The following MERTK variants were observed in gnomAD, a reference collection of about 807,000 sequenced individuals.
The protein encoded by MERTK is MER proto-oncogene, tyrosine kinase, also known as tyrosine-protein kinase Mer.
MERTK carries 69 observed loss-of-function variants against 99.3 expected under a neutral mutation model. The ratio of observed to expected loss-of-function variants is 0.70; its 90% CI spans 0.57 to 0.85. MERTK has a LOEUF of 0.85. Ranked by LOEUF, MERTK falls within the 40% of genes least tolerant of loss-of-function variation. The pLI, the probability that MERTK is intolerant of heterozygous loss-of-function variation, is 0.00. For missense variants in MERTK, 1,125 were observed against 1,249.4 expected (o/e 0.90, Z 1.50); for synonymous variants, 426 against 467.6 (o/e 0.91, Z 1.15).
At chr2:111,935,059 T>A (rs898245244) in intron 2 of MERTK, among the ~76,000 whole-genome samples, 2 of 152,146 alleles carry the variant, frequency 1.3e-5, no homozygotes, top group African/African-American at 2.4e-5. Context: ...AGGACTGTGA[T>A]AAAGTCATTT....
chr2:111,969,689 C>CTT (rs35055243), intron 6 of MERTK, among the ~76,000 whole-genome samples: 8 of 119,162 alleles, frequency 6.7e-5, no homozygotes, highest in African/African-American at 1.0e-4. Context: ...TCCAGCCTTT[C>CTT]TTTTTTTTTT....
At position 111,974,710 on chromosome 2, in the gene MERTK, A is replaced by C. The variant is rs563496578; in HGVS notation, c.961-579A>C. On this transcript the variant is annotated intron_variant, in intron 6 of 18. Transcript: ENST00000295408. ...CTTGAATCCGGGAGGCGGAGGTTGC[A>C]GTGAGTTGAGATAACACCACTGCAC... 2.3e-5 allele frequency among the ~76,000 whole-genome samples: 3 copies of C among 131,866 alleles called. No individual in the cohort carries two copies. In the East Asian group the frequency reaches 7.7e-4, roughly 34 times the overall value. The allele number at this position is 131,866 out of a possible 152,430, so 86.5% of individuals were successfully genotyped here. A position where few individuals can be genotyped will look rare whatever the true frequency, so the allele number is the denominator to read the frequency against.
In MERTK at chr2:111,937,978, G is replaced by A. The variant is rs115641044; in HGVS notation, c.483-6982G>A. ...CCCATTTTGAGTATACAATTCAGTGGCATTCACGTTTTTGTGCAACCATCA... is the reference window on the plus strand; with the variant it reads ...CCCATTTTGAGTATACAATTCAGTGACATTCACGTTTTTGTGCAACCATCA... On this transcript the variant is annotated intron_variant, in intron 2 of 18. Coordinates refer to ENST00000295408, the MANE Select transcript of MERTK (RefSeq NM_006343.3). 3.1e-3 allele frequency among the ~76,000 whole-genome samples: 474 copies of A among 152,120 alleles called. 3 individuals are homozygous for A. The highest frequency in any genetic ancestry group is 0.011 in the African/African-American group (450 of 41,488).
chr2:111,925,729 A>G (rs1249136693), intron 1 of MERTK, among the ~76,000 whole-genome samples: 1 of 152,160 alleles, frequency 6.6e-6, no homozygotes, highest in Non-Finnish European at 1.5e-5. Context: ...TGTTTGGTGA[A>G]CAGCTTGGCT....
chr2:111,979,065 C>T (rs10199083), intron 7 of MERTK, among the ~76,000 whole-genome samples: 94,003 of 151,972 alleles, frequency 0.62, 29,456 homozygotes, highest in Middle Eastern at 0.7. Flanking sequence ...TTACCTTTAA[C>T]TGTTTCGTGT....
chr2:112,020,111 T>A (rs944831749), intron 16 of MERTK, among the ~76,000 whole-genome samples: 1 of 152,204 alleles, frequency 6.6e-6, no homozygotes, highest in Non-Finnish European at 1.5e-5. Context: ...GAGGGAGTGG[T>A]CCTTCAATGT....
chr2:111,962,503 A>AC (rs1685269239), intron 4 of MERTK, among the ~76,000 whole-genome samples: 1 of 152,004 alleles, frequency 6.6e-6, no homozygotes, highest in African/African-American at 2.4e-5. Context: ...CTCGACCTCA[A>AC]GAAAAAAAAA....
intron 2 of MERTK, among the ~76,000 whole-genome samples, chr2:111,942,509 G>A (rs1336468137): frequency 6.6e-6 from 1 of 152,142 alleles, no homozygotes; most frequent in East Asian, 1.9e-4. Context: ...CCAGGAGAGG[G>A]TCAGCCAGCT....
intron 3 of MERTK, 68 bp from the exon 4 acceptor site, chr2:111,947,326 A>G: frequency 1.3e-6 from 2 of 1,511,266 alleles, no homozygotes; most frequent in Non-Finnish European, 1.8e-6. Flanking sequence ...TCCAGTTTCC[A>G]TTCCCCTTTG....
chr2:111,960,480 C>CAAAAAA (rs61179378), intron 4 of MERTK, among the ~76,000 whole-genome samples: 45 of 75,754 alleles, frequency 5.9e-4, no homozygotes, highest in African/African-American at 7.3e-4. Context: ...GTCTCAGTCT[C>CAAAAAA]AAAAAAAAAA....
chr2:112,013,559 G>A (rs1394006269), intron 15 of MERTK: 1 of 154,332 alleles, frequency 6.5e-6, no homozygotes, highest in Non-Finnish European at 1.5e-5. Flanking sequence ...CCTGTATTTT[G>A]TATGTATTAA....
Position 111,918,683 on chromosome 2 carries a change from A to G in MERTK, c.62-10437A>G, listed in dbSNP as rs145963844. ...GCATAATCAGTTCCATATGTTTGGC[A>G]TTGATAGTCCAGGCATGACTAGTTG... On this transcript the variant is annotated intron_variant, in intron 1 of 18. Transcript: ENST00000295408. Among the ~76,000 whole-genome samples, 7 of 152,380 alleles carry G rather than the reference A, an allele frequency of 4.6e-5. No individual in the cohort carries two copies. The East Asian group carries it at 1.2e-3, about 25-fold the overall frequency.
intron 8 of MERTK, among the ~76,000 whole-genome samples, chr2:111,983,785 T>A (rs566708477): frequency 6.6e-6 from 1 of 152,316 alleles, no homozygotes; most frequent in Admixed American, 6.5e-5. Flanking sequence ...CCTACTTCAC[T>A]GCCCACGTGA....
chr2:111,956,251 A>G (rs898297036), intron 4 of MERTK, among the ~76,000 whole-genome samples: 1 of 152,170 alleles, frequency 6.6e-6, no homozygotes, highest in Non-Finnish European at 1.5e-5. Flanking sequence ...ACTACATAAA[A>G]CATTTATGAG....
At chr2:111,963,736 AAATG>A in intron 4 of MERTK, among the ~76,000 whole-genome samples, 1 of 152,316 alleles carries the variant, frequency 6.6e-6, no homozygotes, top group Non-Finnish European at 1.5e-5. Context: ...GTACAGAACA[AAATG>A]GAGTCTCCTA....
chr2:111,938,741 TA>T (rs1262118254), intron 2 of MERTK, among the ~76,000 whole-genome samples: 1 of 152,206 alleles, frequency 6.6e-6, no homozygotes, highest in African/African-American at 2.4e-5. Context: ...CCATTTTTTT[TA>T]AGCAGTGGTA....
intron 1 of MERTK, among the ~76,000 whole-genome samples, chr2:111,906,649 A>C (rs542055151): frequency 6.6e-6 from 1 of 152,394 alleles, no homozygotes; most frequent in South Asian, 2.1e-4. Flanking sequence ...GCCTCCACAC[A>C]GGAAGTGAAA....
intron 6 of MERTK, among the ~76,000 whole-genome samples, chr2:111,969,198 G>A (rs1676029359): frequency 6.6e-6 from 1 of 152,152 alleles, no homozygotes; most frequent in African/African-American, 2.4e-5. Flanking sequence ...GACCACAGGG[G>A]CTTTGCAAAC....
Position 111,945,047 on chromosome 2 carries a change from C to T in MERTK, c.570C>T (p.Tyr190=), listed in dbSNP as rs768197648. The change falls in exon 3 of 19, where the codon TAC becomes TAT. Residue 190 remains tyrosine (Y), a synonymous_variant. Transcript: ENST00000295408. ...NNEEIVSDPI[Y]IEVQGLPHFT... is the part of the protein sequence containing the mutation. ...AAGAGATCGTGTCTGATCCCATCTA[C>T]ATCGAAGTACAAGGTAAGTCCACAG... The T allele has an allele frequency of 4.3e-6, 7 of 1,612,708 alleles. No homozygotes were observed. The highest frequency in any genetic ancestry group is 1.3e-5 in the African/African-American group (1 of 74,876).
Sources: allele counts gnomAD v4.1 joint callset (sites outside exome capture counted in the v4.1 genomes callset), GRCh38; gene constraint gnomAD v4.1.1; transcripts MANE v1.5; gene names NCBI Gene and HGNC (gene_info 2026-07-23, HGNC 2026-07-21).